The following RERE variants were observed in gnomAD, a reference collection of about 807,000 sequenced individuals.
RERE encodes the protein arginine-glutamic acid dipeptide repeats protein.
A neutral mutation model predicts 146.1 loss-of-function variants in RERE; 40 were observed. The ratio of observed to expected loss-of-function variants is 0.27; its 90% CI spans 0.21 to 0.36. RERE has a LOEUF of 0.36. Ranked by LOEUF, RERE falls within the 10% of genes least tolerant of loss-of-function variation. The pLI is 1.00. For synonymous variants in RERE, 1,003 were observed against 866.0 expected (o/e 1.16, Z -2.78); for missense variants, 1,933 against 2,138.7 (o/e 0.90, Z 1.90).
intron 12 of RERE, among the ~76,000 whole-genome samples, chr1:8,395,560 C>A (rs542479268): frequency 6.6e-6 from 1 of 151,418 alleles, no homozygotes; most frequent in South Asian, 2.1e-4. Context: ...TATGCAGGCA[C>A]CTGGAGACAT....
chr1:8,607,266 A>T (rs1214648464), intron 4 of RERE, among the ~76,000 whole-genome samples: 1 of 151,436 alleles, frequency 6.6e-6, no homozygotes, highest in African/African-American at 2.4e-5. Flanking sequence ...AGGCTGAGGT[A>T]GGAGGATCAT....
intron 1 of RERE, among the ~76,000 whole-genome samples, chr1:8,729,107 T>C (rs1301736766): frequency 2.0e-5 from 3 of 151,378 alleles, no homozygotes; most frequent in African/African-American, 7.3e-5. Context: ...GAAGCTGCGG[T>C]GAGCTGAGAT....
intron 8 of RERE, among the ~76,000 whole-genome samples, chr1:8,500,716 G>A (rs1645122729): frequency 6.6e-6 from 1 of 151,540 alleles, no homozygotes; most frequent in Non-Finnish European, 1.5e-5. Context: ...GCCCAGTCTG[G>A]AAAGTGAGGA....
rs141076119 is a variant in RERE at position 8,495,599 on chromosome 1, A to C, written c.1005-437T>G. 4.6e-5 allele frequency among the ~76,000 whole-genome samples: 7 copies of C among 152,352 alleles called. No homozygotes were observed. In the East Asian group the frequency reaches 1.3e-3, roughly 29 times the overall value. On this transcript the variant is annotated intron_variant, in intron 9 of 22. Coordinates refer to ENST00000400908, the MANE Select transcript of RERE (RefSeq NM_001042681.2). Reference sequence around the variant, plus strand: ...AGTGCTGGGATTACAGGCGTGAGCCATCACGCCCAGACCAAAAATAAATTT... The same window carrying C: ...AGTGCTGGGATTACAGGCGTGAGCCCTCACGCCCAGACCAAAAATAAATTT...
chr1:8,433,485 C>T (rs78993101), intron 11 of RERE, among the ~76,000 whole-genome samples: 2,424 of 152,072 alleles, frequency 0.016, 41 homozygotes, highest in Non-Finnish European at 0.024. Context: ...AGGCTAGTCC[C>T]AGAAGATTCT....
intron 20 of RERE, 56 bp downstream of exon 20, chr1:8,358,140 C>T (rs2124358736): frequency 6.5e-7 from 1 of 1,534,586 alleles, no homozygotes; most frequent in Non-Finnish European, 8.8e-7. Flanking sequence ...TGTCACTCAT[C>T]AGGCTCTGCA....
intron 12 of RERE, among the ~76,000 whole-genome samples, chr1:8,390,078 G>GA (rs1169175765): frequency 6.6e-6 from 1 of 152,182 alleles, no homozygotes; most frequent in Non-Finnish European, 1.5e-5. Context: ...GCATGTACCA[G>GA]AAAAAGGAAA....
chr1:8,358,683 C>T lies in RERE; in HGVS notation c.3852G>A (p.Leu1284=), dbSNP rs1406245740. The change falls in exon 20 of 23, where the codon CTG becomes CTA. Residue 1284 remains leucine, a synonymous_variant. Coordinates refer to ENST00000400908, the MANE Select transcript of RERE (RefSeq NM_001042681.2). ...FYMPLNPTDP[L]LAYHMPGLYN... ...AGAGGCCAGGCATGTGGTAGGCCAGCAGGGGGTCCGTGGGGTTAAGGGGCA... is the reference window on the plus strand; with the variant it reads ...AGAGGCCAGGCATGTGGTAGGCCAGTAGGGGGTCCGTGGGGTTAAGGGGCA... 6.3e-7 allele frequency: 1 copy of T among 1,586,018 alleles called. No homozygotes were observed. Among genetic ancestry groups the T allele is most frequent in the South Asian group, 1.2e-5 (1 of 86,658 alleles).
chr1:8,551,936 A>C (rs1210046623), intron 6 of RERE, among the ~76,000 whole-genome samples: 3 of 152,270 alleles, frequency 2.0e-5, no homozygotes, highest in Admixed American at 6.5e-5. Context: ...AAAAATATTC[A>C]AAATGCTAAC....
At chr1:8,747,925 C>A (rs1341217632) in intron 1 of RERE, among the ~76,000 whole-genome samples, 1 of 152,044 alleles carries the variant, frequency 6.6e-6, no homozygotes, top group Admixed American at 6.6e-5. Flanking sequence ...CAGGTGCATG[C>A]CACCACACCC....
At chr1:8,807,868 T>C (rs1641719710) in intron 1 of RERE, among the ~76,000 whole-genome samples, 1 of 152,146 alleles carries the variant, frequency 6.6e-6, no homozygotes, top group Non-Finnish European at 1.5e-5. Flanking sequence ...GGAGCTTAAG[T>C]AATATGATGT....
At position 8,795,982 on chromosome 1, in the gene RERE, C is replaced by CAAAA. The variant is rs556814425; in HGVS notation, c.-145+21174_-145+21177dup. ...GGGCAACAAGAACGAAACTCCGTCT[C>CAAAA]AAAAAAAAAAAAAAAACAAAACAAA... On this transcript the variant is annotated intron_variant, in intron 1 of 22. Coordinates refer to ENST00000400908, the MANE Select transcript of RERE (RefSeq NM_001042681.2). Among the ~76,000 whole-genome samples the CAAAA allele has an allele frequency of 8.1e-4, 24 of 29,686 alleles. 1 individual carries two copies. Among genetic ancestry groups the CAAAA allele is most frequent in the Non-Finnish European group, 1.3e-3 (19 of 14,528 alleles). 19.5% of individuals were successfully genotyped at this position (29,686 alleles called of 152,430 possible).
intron 7 of RERE, among the ~76,000 whole-genome samples, chr1:8,527,461 A>G (rs1023866665): frequency 2.6e-5 from 4 of 152,120 alleles, no homozygotes; most frequent in African/African-American, 7.2e-5. Context: ...AAACTATCTA[A>G]CCCTTTCATA....
chr1:8,578,031 C>T (rs1646317583), intron 4 of RERE, among the ~76,000 whole-genome samples: 1 of 151,018 alleles, frequency 6.6e-6, no homozygotes, highest in African/African-American at 2.4e-5. Context: ...GCAGAGGTTG[C>T]AGTGAGCCGA....
intron 1 of RERE, among the ~76,000 whole-genome samples, chr1:8,701,711 A>G (rs1639455320): frequency 6.6e-6 from 1 of 152,204 alleles, no homozygotes; most frequent in Non-Finnish European, 1.5e-5. Context: ...TGAGCGCTCA[A>G]CTGCTCTGGA....
chr1:8,452,392 C>A (rs759088472), intron 11 of RERE, among the ~76,000 whole-genome samples: 3 of 152,212 alleles, frequency 2.0e-5, no homozygotes, highest in Non-Finnish European at 4.4e-5. Context: ...AGTGGGATGG[C>A]ATGTCACCTG....
In RERE at chr1:8,559,835, G is replaced by C. The variant is rs980672549; in HGVS notation, c.523-2312C>G. 1.2e-4 allele frequency among the ~76,000 whole-genome samples: 19 copies of C among 152,146 alleles called. 1 individual carries two copies. The highest frequency in any genetic ancestry group is 5.9e-4 in the Admixed American group (9 of 15,270). On this transcript the variant is annotated intron_variant, in intron 4 of 22. Coordinates refer to ENST00000400908, the MANE Select transcript of RERE (RefSeq NM_001042681.2). ...CCTTTAGTGAGCTTACAGGACAACT[G>C]GAGTTTTCTAACTCTATTGCTGACC... is the stretch of plus-strand genomic sequence containing the variant.
intron 4 of RERE, among the ~76,000 whole-genome samples, chr1:8,599,150 C>T (rs1198687635): frequency 6.6e-6 from 1 of 152,198 alleles, no homozygotes; most frequent in Non-Finnish European, 1.5e-5. Context: ...TGGGATGAGA[C>T]ACAACAAGCA....
intron 7 of RERE, among the ~76,000 whole-genome samples, chr1:8,514,496 G>A (rs1429360904): frequency 1.3e-5 from 2 of 152,134 alleles, no homozygotes; most frequent in African/African-American, 4.8e-5. Flanking sequence ...TTGGGAGGCC[G>A]AGGCAGGTGG....
Sources: allele counts gnomAD v4.1 joint callset (sites outside exome capture counted in the v4.1 genomes callset), GRCh38; gene constraint gnomAD v4.1.1; transcripts MANE v1.5; gene names NCBI Gene and HGNC (gene_info 2026-07-23, HGNC 2026-07-21).